The following PNLIP variants were observed in gnomAD, a reference collection of about 807,000 sequenced individuals.
PNLIP encodes pancreatic triacylglycerol lipase.
PNLIP carries 49 observed loss-of-function variants against 57.1 expected under a neutral mutation model. The ratio of observed to expected loss-of-function variants is 0.86; its 90% CI spans 0.68 to 1.09. PNLIP has a LOEUF of 1.09. Ranked by LOEUF, PNLIP falls within the 50% of genes least tolerant of loss-of-function variation. The probability of loss-of-function intolerance (pLI) is 0.00; values close to 1 mark genes in which losing one functional copy is unlikely to be tolerated. For missense variants in PNLIP, 503 were observed against 570.2 expected (o/e 0.88, Z 1.20); for synonymous variants, 209 against 200.4 (o/e 1.04, Z -0.36).
Position 116,551,251 on chromosome 10 carries a change from C to T in PNLIP, c.459+19C>T. ...TCTTCAGGTAATTACTCCCGGATTG[C>T]ATAAAAGCCTGTACACATGGTTTTC... On this transcript the variant is annotated intron_variant, in intron 5 of 12. Coordinates refer to ENST00000369221, the MANE Select transcript of PNLIP (RefSeq NM_000936.4). 1 of 1,394,856 alleles carries T rather than the reference C, an allele frequency of 7.2e-7. No homozygotes were observed. The highest frequency in any genetic ancestry group is 9.6e-7 in the Non-Finnish European group (1 of 1,040,770). The allele number at this position is 1,394,856 out of a possible 1,614,324, so 86.4% of individuals were successfully genotyped here. A position where few individuals can be genotyped will look rare whatever the true frequency, so the allele number is the denominator to read the frequency against.
chr10:116,552,529 TTGATACAG>T (rs1402068427), intron 5 of PNLIP, among the ~76,000 whole-genome samples: 1 of 152,154 alleles, frequency 6.6e-6, no homozygotes, highest in African/African-American at 2.4e-5. Context: ...GTAAAATAAT[TTGATACAG>T]GGATACAGAG....
chr10:116,559,024 T>G, intron 9 of PNLIP, 130 bp from the exon 10 acceptor site: 1 of 1,087,546 alleles, frequency 9.2e-7, no homozygotes, highest in East Asian at 2.6e-5. Flanking sequence ...GCTGAGACAC[T>G]ATTAAAGTCC....
At chr10:116,550,033 T>C (rs1434821160) in intron 4 of PNLIP, among the ~76,000 whole-genome samples, 1 of 151,828 alleles carries the variant, frequency 6.6e-6, no homozygotes, top group African/African-American at 2.4e-5. Context: ...TTTCTAAGAT[T>C]GTTCCATTAT....
intron 6 of PNLIP, among the ~76,000 whole-genome samples, chr10:116,554,459 T>C (rs1376551598): frequency 6.6e-6 from 1 of 152,290 alleles, no homozygotes; most frequent in Non-Finnish European, 1.5e-5. Context: ...AGATAACGAA[T>C]AGTATTTTAC....
intron 12 of PNLIP, among the ~76,000 whole-genome samples, chr10:116,564,081 A>G (rs1847341028): frequency 6.6e-6 from 1 of 152,130 alleles, no homozygotes; most frequent in African/African-American, 2.4e-5. Context: ...GAAAATCACA[A>G]GAAACATGAA....
chr10:116,562,288 C>T (rs904326723), intron 12 of PNLIP, among the ~76,000 whole-genome samples: 131 of 152,146 alleles, frequency 8.6e-4, no homozygotes, highest in African/African-American at 3.0e-3. Context: ...TTGCTTCTGG[C>T]AAAGATGGAG....
chr10:116,554,259 A>C (rs2133202376), intron 6 of PNLIP, among the ~76,000 whole-genome samples: 1 of 152,362 alleles, frequency 6.6e-6, no homozygotes, highest in East Asian at 1.9e-4. Flanking sequence ...GACAAGTTTC[A>C]TGAATAGAAT....
intron 6 of PNLIP, among the ~76,000 whole-genome samples, chr10:116,554,618 G>A (rs1316927878): frequency 6.6e-6 from 1 of 152,170 alleles, no homozygotes; most frequent in Non-Finnish European, 1.5e-5. Context: ...TTCCATCTGT[G>A]TTCAACCTTT....
intron 2 of PNLIP, among the ~76,000 whole-genome samples, 156 bp from the exon 3 acceptor site, chr10:116,547,138 T>C (rs1847134273): frequency 6.6e-6 from 1 of 152,198 alleles, no homozygotes; most frequent in Non-Finnish European, 1.5e-5. Flanking sequence ...AGTTGTGTTG[T>C]CTTTTGAAGC....
chr10:116,552,477 A>C (rs1847204742), intron 5 of PNLIP, among the ~76,000 whole-genome samples: 1 of 152,224 alleles, frequency 6.6e-6, no homozygotes, highest in Non-Finnish European at 1.5e-5. Context: ...ACAAGTTAAA[A>C]AAATTATCAT....
At chr10:116,556,685 G>C (rs76791945) in intron 9 of PNLIP, among the ~76,000 whole-genome samples, 8,349 of 151,410 alleles carry the variant, frequency 0.055, 333 homozygotes, top group South Asian at 0.091. Flanking sequence ...CCTCTTGGTT[G>C]AATTCTTTAT....
intron 5 of PNLIP, among the ~76,000 whole-genome samples, chr10:116,553,468 C>T (rs1186833934): frequency 3.3e-5 from 5 of 152,190 alleles, no homozygotes; most frequent in Non-Finnish European, 7.3e-5. Flanking sequence ...GGATACACAA[C>T]TAGTTACGTT....
chr10:116,558,476 G>A (rs1847279679), intron 9 of PNLIP, among the ~76,000 whole-genome samples: 2 of 151,992 alleles, frequency 1.3e-5, no homozygotes, highest in Admixed American at 1.3e-4. Flanking sequence ...TTACAGGTGT[G>A]AGCCACCATG....
chr10:116,547,863 G>C (rs1396255833), intron 3 of PNLIP, among the ~76,000 whole-genome samples: 3 of 151,880 alleles, frequency 2.0e-5, no homozygotes. Context: ...AGGGCACTGA[G>C]CTTAGGTATT....
chr10:116,565,476 T>TC (rs1847356983), intron 12 of PNLIP, among the ~76,000 whole-genome samples: 1 of 150,314 alleles, frequency 6.7e-6, no homozygotes, highest in Non-Finnish European at 1.5e-5. Flanking sequence ...TTTTTTTTTT[T>TC]TTGAGATGGA....
At chr10:116,564,190 A>G (rs1225786839) in intron 12 of PNLIP, among the ~76,000 whole-genome samples, 6 of 152,184 alleles carry the variant, frequency 3.9e-5, no homozygotes, top group African/African-American at 9.6e-5. Context: ...AGATTTTACC[A>G]CTATACAATA....
intron 8 of PNLIP, among the ~76,000 whole-genome samples, 182 bp downstream of exon 8, chr10:116,555,689 A>G (rs2133203364): frequency 6.6e-6 from 1 of 152,348 alleles, no homozygotes; most frequent in East Asian, 1.9e-4. Context: ...ACTGGGAAAG[A>G]AAGCGTATTT....
intron 9 of PNLIP, among the ~76,000 whole-genome samples, chr10:116,558,443 C>G (rs1847278091): frequency 6.6e-6 from 1 of 151,926 alleles, no homozygotes; most frequent in Admixed American, 6.6e-5. Context: ...ATCCTCCAGC[C>G]TTGGCCTCCC....
In PNLIP at chr10:116,558,199, CTT is replaced by C. The variant is rs71010092; in HGVS notation, c.931-940_931-939del. ...TGTTCTACTTATGCAATCTTTCTTT[CTT>C]TTTTTTTTTTTTTTGAGACGGAGTC... On this transcript the variant is annotated intron_variant, in intron 9 of 12. Transcript: ENST00000369221. Among the ~76,000 whole-genome samples, 237 of 118,210 alleles carry C rather than the reference CTT, an allele frequency of 2.0e-3. 2 individuals carry two copies. The highest frequency in any genetic ancestry group is 0.014 in the South Asian group (49 of 3,614). The allele number at this position is 118,210 out of a possible 152,430, so 77.6% of individuals were successfully genotyped here.
Sources: allele counts gnomAD v4.1 joint callset (sites outside exome capture counted in the v4.1 genomes callset), GRCh38; gene constraint gnomAD v4.1.1; transcripts MANE v1.5; gene names NCBI Gene and HGNC (gene_info 2026-07-23, HGNC 2026-07-21).